The following NDRG2 variants were observed in gnomAD, a reference collection of about 807,000 sequenced individuals.
NDRG2 encodes the protein NDRG family member 2, also known as protein NDRG2.
NDRG2 carries 34 observed loss-of-function variants against 58.2 expected under a neutral mutation model. That is an observed-to-expected ratio of 0.58 (90% CI 0.44 to 0.78). The LOEUF (loss-of-function observed/expected upper bound fraction) is 0.78, where lower values mean the gene tolerates loss of function less well. NDRG2 is among the 30% of genes least tolerant of loss of function. The probability of loss-of-function intolerance (pLI) is 0.00; values close to 1 mark genes in which losing one functional copy is unlikely to be tolerated. For synonymous variants in NDRG2, 187 were observed against 175.9 expected, an observed-to-expected ratio of 1.06 and a Z score of -0.50; for missense variants, 434 against 471.2, an observed-to-expected ratio of 0.92 and a Z score of 0.73.
At chr14:21,056,072 A>C (rs1036017202) in intron 1 of NDRG2, among the ~76,000 whole-genome samples, 5 of 152,124 alleles carry the variant, frequency 3.3e-5, no homozygotes, top group African/African-American at 1.2e-4. Context: ...ACATCTCAGA[A>C]TTTTTACATT....
chr14:21,032,641 GCC>G, intron 1 of NDRG2: 1 of 342,782 alleles, frequency 2.9e-6, no homozygotes, highest in South Asian at 2.2e-5. Context: ...TCAACACCCA[GCC>G]CAGAACTAAG....
In NDRG2 at chr14:21,031,280, T is replaced by C. The variant is rs79270812; in HGVS notation, c.25-7959A>G. On this transcript the variant is annotated intron_variant, in intron 1 of 14. Transcript: ENST00000403829. Reference sequence around the variant, plus strand: ...GTAGAGACAGGGCCGAAACAGACTTTAGAGATCATCTAGACATTCCAGAAG... The same window carrying C: ...GTAGAGACAGGGCCGAAACAGACTTCAGAGATCATCTAGACATTCCAGAAG... The C allele has an allele frequency of 1.1e-3, 1,460 of 1,374,528 alleles. 39 individuals are homozygous for C. In the East Asian group the frequency reaches 0.035, roughly 33 times the overall value. 85.1% of individuals were successfully genotyped at this position (1,374,528 alleles called of 1,614,324 possible).
upstream of NDRG2, chr14:21,030,537 C>A (rs1449787367): frequency 6.3e-7 from 1 of 1,594,948 alleles, no homozygotes. Context: ...TCTCCTTCAC[C>A]CCCAAGTGTC....
chr14:21,026,818 C>T (rs143804832), upstream of NDRG2, among the ~76,000 whole-genome samples: 659 of 152,254 alleles, frequency 4.3e-3, 3 homozygotes, highest in African/African-American at 0.015. Flanking sequence ...CCCCTCTTCC[C>T]TCTGGATGCC....
At chr14:21,035,677 A>G (rs1042514933) in intron 1 of NDRG2, 9 of 432,878 alleles carry the variant, frequency 2.1e-5, no homozygotes, top group Non-Finnish European at 4.2e-5. Context: ...AGAGAGAAAG[A>G]TTGGTGTTCC....
chr14:21,032,338 T>C, intron 1 of NDRG2: 1 of 574,934 alleles, frequency 1.7e-6, no homozygotes, highest in Non-Finnish European at 3.3e-6. Context: ...AAGAACAGGA[T>C]GGAAGAATAT....
upstream of NDRG2, chr14:21,030,444 C>A: frequency 1.2e-6 from 1 of 864,028 alleles, no homozygotes; most frequent in Non-Finnish European, 1.8e-6. Flanking sequence ...GAGAGAGCAA[C>A]AGGGAAGAGG....
intron 1 of NDRG2, among the ~76,000 whole-genome samples, chr14:21,051,965 T>A (rs1190863463): frequency 6.6e-6 from 1 of 152,244 alleles, no homozygotes; most frequent in Non-Finnish European, 1.5e-5. Flanking sequence ...GATAGTTGCT[T>A]ATTCTCTGCT....
chr14:21,020,649 G>A (rs1272723326), intron 7 of NDRG2, 67 bp from the exon 8 acceptor site: 39 of 1,585,180 alleles, frequency 2.5e-5, no homozygotes, highest in Admixed American at 6.8e-5. Flanking sequence ...CGCTAAGCTC[G>A]ACCCACTCCT....
chr14:21,019,879 CTGCTCCCG>C, intron 9 of NDRG2, 33 bp downstream of exon 9: 17 of 1,604,492 alleles, frequency 1.1e-5, no homozygotes, highest in Non-Finnish European at 1.4e-5. Context: ...AAGTTCCCTG[CTGCTCCCG>C]TCGACTCTTC....
chr14:21,035,110 G>T (rs532963040), intron 1 of NDRG2, among the ~76,000 whole-genome samples: 178 of 152,354 alleles, frequency 1.2e-3, no homozygotes, highest in Non-Finnish European at 2.0e-3. Flanking sequence ...AGGAGGGCAT[G>T]TACTCAGGGG....
upstream of NDRG2, among the ~76,000 whole-genome samples, chr14:21,026,557 A>T (rs1275928743): frequency 1.4e-5 from 2 of 146,882 alleles, no homozygotes; most frequent in African/African-American, 2.5e-5. Context: ...AAGGAACATC[A>T]ATGCCCCTTT....
rs1566517567 is a variant in NDRG2, at chr14:21,070,384, C to T, written c.24+444G>A. On this transcript the variant is annotated intron_variant, in intron 1 of 14. Coordinates refer to the NDRG2 transcript ENST00000403829. This position sits in a 1 kb window ranked among gnomAD's most constrained non-coding sequence, Gnocchi z 4.7. ...CGCCCGACCAAGCGTCGGACGCGGC[C>T]CGGCGCCGAGCCATGGTGAGTCCAG... 2.8e-6 allele frequency: 4 copies of T among 1,411,394 alleles called. No individual in the cohort carries two copies. The highest frequency in any genetic ancestry group is 3.7e-6 in the Non-Finnish European group (4 of 1,091,720). The allele number at this position is 1,411,394 out of a possible 1,614,324, so 87.4% of individuals were successfully genotyped here.
intron 3 of NDRG2, 99 bp downstream of exon 3, chr14:21,022,765 G>T: frequency 8.2e-7 from 1 of 1,225,550 alleles, no homozygotes; most frequent in Non-Finnish European, 1.2e-6. Context: ...TAGAAGGAAA[G>T]AAAGCAAAGA....
At chr14:21,066,952 A>G (rs944907431) in intron 1 of NDRG2, among the ~76,000 whole-genome samples, 1 of 152,238 alleles carries the variant, frequency 6.6e-6, no homozygotes, top group African/African-American at 2.4e-5. Flanking sequence ...GGCAGAGCTA[A>G]CAAGAACACG....
chr14:21,065,732 C>T (rs1886228764), intron 1 of NDRG2, among the ~76,000 whole-genome samples: 2 of 152,124 alleles, frequency 1.3e-5, no homozygotes, highest in South Asian at 4.1e-4. Context: ...AAGAAAGCTC[C>T]AGACAGAAGG....
At chr14:21,032,343 G>C in intron 1 of NDRG2, 1 of 563,712 alleles carries the variant, frequency 1.8e-6, no homozygotes, top group South Asian at 1.5e-5. Flanking sequence ...CAGGATGGAA[G>C]AATATATTTG....
rs533213927 is a variant in NDRG2 at position 21,017,015 on chromosome 14, C to G, written c.*581G>C. 25 of 456,396 alleles carry G rather than the reference C, an allele frequency of 5.5e-5. 1 individual carries two copies. The Middle Eastern group carries it at 1.3e-3, about 24-fold the overall frequency. The allele number at this position is 456,396 out of a possible 1,614,324, so 28.3% of individuals were successfully genotyped here. On this transcript the variant is annotated 3_prime_UTR_variant, in exon 16 of 16. Coordinates refer to ENST00000556147, the MANE Select transcript of NDRG2 (RefSeq NM_001320329.2). ...CTGTTGCCCCAGCACCAATCCTTCC[C>G]CACACTCGTTCACTGCCCGCCAACT...
chr14:21,034,200 C>T, intron 1 of NDRG2: 1 of 1,614,098 alleles, frequency 6.2e-7, no homozygotes, highest in Non-Finnish European at 8.5e-7. Context: ...ATAGAAGTTC[C>T]TGCTGCCAAT....
Sources: allele counts gnomAD v4.1 joint callset (sites outside exome capture counted in the v4.1 genomes callset), GRCh38; gene constraint gnomAD v4.1.1; non-coding constraint Gnocchi (gnomAD v3.1); transcripts MANE v1.5; gene names NCBI Gene and HGNC (gene_info 2026-07-23, HGNC 2026-07-21).